Variants in PTPRT observed in about 807,000 individuals in gnomAD.
The protein encoded by PTPRT is receptor-type tyrosine-protein phosphatase T.
Under a neutral mutation model 176.8 loss-of-function variants are expected in PTPRT, and 56 were observed. The ratio of observed to expected loss-of-function variants is 0.32; its 90% CI spans 0.26 to 0.40. The LOEUF (loss-of-function observed/expected upper bound fraction) is 0.40, where lower values mean the gene tolerates loss of function less well. PTPRT is among the 10% of genes least tolerant of loss of function. The pLI is 1.00. For synonymous variants in PTPRT, 783 were observed against 739.0 expected (o/e 1.06, Z -0.96); for missense variants, 1,540 against 1,908.2 (o/e 0.81, Z 3.60).
intron 25 of PTPRT, 58 bp downstream of exon 25, chr20:42,104,510 AT>A (rs1986242263): frequency 6.7e-7 from 1 of 1,502,454 alleles, no homozygotes; most frequent in East Asian, 2.3e-5. Context: ...ATCTATGGAA[AT>A]TTGTTATAAC....
At chr20:42,649,044 C>T (rs1428576304) in intron 7 of PTPRT, among the ~76,000 whole-genome samples, 2 of 151,972 alleles carry the variant, frequency 1.3e-5, no homozygotes, top group Non-Finnish European at 2.9e-5. Context: ...TGGTCTCAAT[C>T]TCATGACCTT....
At chr20:42,551,652 T>C (rs1239408438) in intron 7 of PTPRT, among the ~76,000 whole-genome samples, 1 of 152,172 alleles carries the variant, frequency 6.6e-6, no homozygotes, top group Non-Finnish European at 1.5e-5. Context: ...AAATTATGCA[T>C]TGGCAATTTC....
At chr20:42,703,808 C>A (rs1000313533) in intron 6 of PTPRT, among the ~76,000 whole-genome samples, 1 of 152,174 alleles carries the variant, frequency 6.6e-6, no homozygotes, top group African/African-American at 2.4e-5. Context: ...TGCCCCTGCA[C>A]ACGAGCTCTC....
At chr20:42,715,821 A>G (rs570065606) in intron 6 of PTPRT, among the ~76,000 whole-genome samples, 1 of 152,328 alleles carries the variant, frequency 6.6e-6, no homozygotes, top group South Asian at 2.1e-4. Flanking sequence ...CAAAATCCCA[A>G]AAGTATTTTT....
At chr20:42,424,904 C>A (rs145995902) in intron 9 of PTPRT, among the ~76,000 whole-genome samples, 2 of 149,918 alleles carry the variant, frequency 1.3e-5, no homozygotes, top group Admixed American at 6.7e-5. Flanking sequence ...CTGACGTATG[C>A]GTGGAAAAAG....
chr20:42,182,111 T>C (rs1329085315), intron 16 of PTPRT, among the ~76,000 whole-genome samples: 1 of 152,128 alleles, frequency 6.6e-6, no homozygotes, highest in Non-Finnish European at 1.5e-5. Flanking sequence ...TCAATATGAC[T>C]GGAGTATATT....
At chr20:42,877,181 A>T (rs995057121) in intron 2 of PTPRT, among the ~76,000 whole-genome samples, 1 of 151,478 alleles carries the variant, frequency 6.6e-6, no homozygotes, top group Non-Finnish European at 1.5e-5. Context: ...TGGGAGATCA[A>T]CAAGCAAGAA....
intron 2 of PTPRT, among the ~76,000 whole-genome samples, chr20:42,832,823 G>T (rs930341078): frequency 1.0e-5 from 1 of 95,874 alleles, no homozygotes; most frequent in Admixed American, 1.0e-4. Flanking sequence ...AAAAAAAAAG[G>T]CCAGGCTTGG....
chr20:42,219,068 G>C (rs1034822045), intron 15 of PTPRT, among the ~76,000 whole-genome samples: 1 of 152,170 alleles, frequency 6.6e-6, no homozygotes, highest in Non-Finnish European at 1.5e-5. Context: ...AAAATCACAA[G>C]CATGAGATTA....
chr20:42,349,199 A>G (rs1361301937), intron 11 of PTPRT, among the ~76,000 whole-genome samples: 3 of 152,202 alleles, frequency 2.0e-5, no homozygotes, highest in Non-Finnish European at 4.4e-5. Context: ...GCATCTCTCT[A>G]GTAGCTGCCC....
intron 6 of PTPRT, among the ~76,000 whole-genome samples, chr20:42,703,099 C>A (rs1309888602): frequency 2.0e-5 from 3 of 152,194 alleles, no homozygotes; most frequent in Non-Finnish European, 2.9e-5. Flanking sequence ...TTCTGCCCAA[C>A]TGCAATCATA....
chr20:43,112,151 C>T (rs553661343), intron 1 of PTPRT, among the ~76,000 whole-genome samples: 3 of 152,214 alleles, frequency 2.0e-5, no homozygotes, highest in Admixed American at 2.0e-4. Context: ...GGGTGCTATC[C>T]GAGGAACAGT....
chr20:42,314,379 A>T (rs778023211), intron 12 of PTPRT, among the ~76,000 whole-genome samples: 52 of 152,112 alleles, frequency 3.4e-4, no homozygotes, highest in Non-Finnish European at 6.8e-4. Flanking sequence ...ATACAAAAAA[A>T]TTAGCTGGGT....
chr20:42,637,055 T>A (rs1455693685), intron 7 of PTPRT, among the ~76,000 whole-genome samples: 1 of 152,100 alleles, frequency 6.6e-6, no homozygotes, highest in Non-Finnish European at 1.5e-5. Flanking sequence ...GGTCTCCAAG[T>A]CTATCATGCA....
intron 13 of PTPRT, among the ~76,000 whole-genome samples, chr20:42,259,597 G>C (rs969313591): frequency 6.6e-6 from 1 of 152,214 alleles, no homozygotes; most frequent in Non-Finnish European, 1.5e-5. Flanking sequence ...GCTATGACTA[G>C]AGTCAGGTAT....
intron 9 of PTPRT, among the ~76,000 whole-genome samples, chr20:42,367,354 T>C (rs1028377348): frequency 1.3e-5 from 2 of 152,194 alleles, no homozygotes; most frequent in African/African-American, 2.4e-5. Flanking sequence ...GGGTGTTTGA[T>C]GGTATTTTTG....
At chr20:42,199,028 T>C (rs568417650) in intron 16 of PTPRT, among the ~76,000 whole-genome samples, 4 of 152,372 alleles carry the variant, frequency 2.6e-5, no homozygotes, top group East Asian at 1.9e-4. Context: ...CATTTCCATC[T>C]GATTTGGGGA....
At chr20:42,182,826 C>T (rs1369258076) in intron 16 of PTPRT, among the ~76,000 whole-genome samples, 1 of 151,972 alleles carries the variant, frequency 6.6e-6, no homozygotes, top group Non-Finnish European at 1.5e-5. Flanking sequence ...TGCCGTAGAA[C>T]ACCTTCTCTC....
At chr20:43,034,544 T>TAA (rs34588364) in intron 1 of PTPRT, among the ~76,000 whole-genome samples, 286 of 142,916 alleles carry the variant, frequency 2.0e-3, no homozygotes, top group Middle Eastern at 0.011. Context: ...CTTCACTAAT[T>TAA]AAAAAAAAAA....
Sources: gnomAD v4.1 joint callset for allele counts (sites outside exome capture counted in the v4.1 genomes callset) on GRCh38, gnomAD v4.1.1 for gene constraint, MANE v1.5 for transcripts, NCBI Gene and HGNC (gene_info 2026-07-23, HGNC 2026-07-21) for gene names.